C10orf105: variants seen among roughly 807,000 people sequenced by gnomAD.
C10orf105 encodes uncharacterized protein C10orf105.
C10orf105 carries 2 observed loss-of-function variants against 0.6 expected under a neutral mutation model. The ratio of observed to expected loss-of-function variants is 3.18; its 90% CI spans 1.30 to 10.01. The LOEUF (loss-of-function observed/expected upper bound fraction) is 10.01. Ranked by LOEUF, C10orf105 falls within the 30% of genes most tolerant of loss-of-function variation. The probability of loss-of-function intolerance (pLI) is 0.04; values close to 1 mark genes in which losing one functional copy is unlikely to be tolerated. For synonymous variants in C10orf105, 95 were observed against 82.4 expected (o/e 1.15, Z -0.83); for missense variants, 209 against 191.4 (o/e 1.09, Z -0.54).
upstream of C10orf105, chr10:71,724,016 G>A (rs72817951): frequency 0.064 from 99,311 of 1,552,824 alleles, 3,685 homozygotes; most frequent in Non-Finnish European, 0.077. Context: ...TGGCATTCAA[G>A]AAGTAACTCG....
chr10:71,730,398 A>G, intron 1 of C10orf105: 1 of 1,567,344 alleles, frequency 6.4e-7, no homozygotes, highest in Non-Finnish European at 8.7e-7. Context: ...AGGCGGCCAC[A>G]GTGGGCCAAG....
Position 71,730,463 on chromosome 10 carries a change from C to G in C10orf105, c.-6+7265G>C, listed in dbSNP as rs1322223902. 2 of 1,613,462 alleles carry G rather than the reference C, an allele frequency of 1.2e-6. No homozygotes were observed. The highest frequency in any genetic ancestry group is 3.3e-5 in the Admixed American group (2 of 60,008). On this transcript the variant is annotated intron_variant, in intron 1 of 1. Transcript: ENST00000398786. ...TGACCTTGCACCCCTGGCCCGGCTCCCACAGGTGATTGTGTACGTGGAGGA... is the reference window on the plus strand; with the variant it reads ...TGACCTTGCACCCCTGGCCCGGCTCGCACAGGTGATTGTGTACGTGGAGGA...
chr10:71,716,645 A>T (rs144352607), intron 1 of C10orf105: 1 of 301,206 alleles, frequency 3.3e-6, no homozygotes, highest in East Asian at 5.6e-5. Flanking sequence ...AATCCTCATG[A>T]ATCATCACAG....
At chr10:71,725,228 A>G (rs1866751291) in intron 1 of C10orf105, 4 of 1,461,508 alleles carry the variant, frequency 2.7e-6, no homozygotes, top group Non-Finnish European at 3.8e-6. Context: ...CTTCCTCTCC[A>G]CTGTGAATTC....
chr10:71,729,417 G>A (rs1052903952), intron 1 of C10orf105, among the ~76,000 whole-genome samples: 3 of 152,174 alleles, frequency 2.0e-5, no homozygotes, highest in African/African-American at 7.2e-5. Context: ...CGTCCCCCAG[G>A]GAGCCCTAAA....
intron 1 of C10orf105, among the ~76,000 whole-genome samples, chr10:71,727,135 T>C (rs74861291): frequency 0.031 from 4,781 of 152,306 alleles, 125 homozygotes; most frequent in East Asian, 0.097. Flanking sequence ...GTAACCCTCA[T>C]AATAGCCTTA....
At chr10:71,730,669 C>T (rs1028908985) in intron 1 of C10orf105, 48 of 1,593,562 alleles carry the variant, frequency 3.0e-5, no homozygotes, top group Non-Finnish European at 3.8e-5. Context: ...GCTCACCCAG[C>T]CCCTCCTTCG....
At chr10:71,723,927 C>T, upstream of C10orf105, 1 of 1,148,214 alleles carries the variant, frequency 8.7e-7, no homozygotes. Context: ...CTGAGGGAGA[C>T]CACAGGTTTT....
At chr10:71,735,856 C>G (rs1390467393) in intron 1 of C10orf105, among the ~76,000 whole-genome samples, 2 of 152,208 alleles carry the variant, frequency 1.3e-5, no homozygotes, top group African/African-American at 4.8e-5. Context: ...CTCAGCTATG[C>G]TCCCCAAGGG....
chr10:71,723,563 G>A (rs546877523), upstream of C10orf105, among the ~76,000 whole-genome samples: 2 of 152,168 alleles, frequency 1.3e-5, no homozygotes, highest in Admixed American at 6.5e-5. Flanking sequence ...GGGCTTCCAC[G>A]AAGTGACCGT....
intron 1 of C10orf105, among the ~76,000 whole-genome samples, chr10:71,726,023 G>A (rs1554862337): frequency 6.6e-6 from 1 of 152,114 alleles, no homozygotes; most frequent in South Asian, 2.1e-4. Flanking sequence ...CTCATCAAAT[G>A]TATTCTTTCC....
chr10:71,736,469 G>GT (rs1397730373), intron 1 of C10orf105, among the ~76,000 whole-genome samples: 1 of 152,240 alleles, frequency 6.6e-6, no homozygotes, highest in African/African-American at 2.4e-5. Context: ...GGCAGGCTGG[G>GT]TAGGGCATGG....
rs150102490 is a variant in C10orf105 at position 71,733,394 on chromosome 10, C to G, written c.-6+4334G>C. Among the ~76,000 whole-genome samples the G allele has an allele frequency of 1.3e-3, 202 of 152,296 alleles. 5 individuals are homozygous for G. Among genetic ancestry groups the G allele is most frequent in the African/African-American group, 4.6e-3 (191 of 41,552 alleles). Reference sequence around the variant, plus strand: ...GATCAATTATTAACTGAATCTCCAGCCTCTGTCCTCTTCCTGGAAAGTAAA... The same window carrying G: ...GATCAATTATTAACTGAATCTCCAGGCTCTGTCCTCTTCCTGGAAAGTAAA... On this transcript the variant is annotated intron_variant, in intron 1 of 1. Transcript: ENST00000398786.
Position 71,715,821 on chromosome 10 carries a change from G to T in C10orf105, c.*115C>A. ...GCAAGGAGCTTCGGGGGGTGAGTGT[G>T]TGTCCCAGACTGCTTGGGCCACTGT... is the stretch of plus-strand genomic sequence containing the variant. On this transcript the variant is annotated 3_prime_UTR_variant, in exon 2 of 2. Coordinates refer to ENST00000441508, the MANE Select transcript of C10orf105 (RefSeq NM_001164375.3). The T allele has an allele frequency of 9.7e-7, 1 of 1,030,126 alleles. No individual in the cohort carries two copies. The highest frequency in any genetic ancestry group is 1.3e-6 in the Non-Finnish European group (1 of 743,984). 63.8% of individuals were successfully genotyped at this position (1,030,126 alleles called of 1,614,324 possible).
At chr10:71,732,514 C>T in intron 1 of C10orf105, 1 of 1,366,008 alleles carries the variant, frequency 7.3e-7, no homozygotes, top group Middle Eastern at 2.0e-4. Flanking sequence ...TACCTGTAGT[C>T]CCAGCTGCTT....
intron 1 of C10orf105, chr10:71,732,439 C>T: frequency 6.5e-7 from 1 of 1,543,572 alleles, no homozygotes; most frequent in Non-Finnish European, 8.7e-7. Context: ...TGAGCTCCTT[C>T]TGTGTGCACA....
Position 71,716,304 on chromosome 10 carries a change from G to A in C10orf105, c.34C>T (p.Pro12Ser). 4.6e-6 allele frequency: 7 copies of A among 1,508,576 alleles called. No individual in the cohort carries two copies. The highest frequency in any genetic ancestry group is 6.2e-6 in the Non-Finnish European group (7 of 1,123,206). The allele number at this position is 1,508,576 out of a possible 1,614,324, so 93.4% of individuals were successfully genotyped here. Reference sequence around the variant, plus strand: ...AGAAAGGCGAGGGGGCTGATGGCTGGGGAGCTGGCGAGGCTGGGGCCCTCT... The same window carrying A: ...AGAAAGGCGAGGGGGCTGATGGCTGAGGAGCTGGCGAGGCTGGGGCCCTCT... ...STEGPSLASSPAISPLAFLSA... is the reference protein window; with the variant it reads ...STEGPSLASSSAISPLAFLSA... The change falls in exon 2 of 2, where the codon CCA becomes TCA. Residue 12 changes from proline (P) to serine (S), a missense_variant. Transcript: ENST00000441508.
chr10:71,730,431 C>A, intron 1 of C10orf105: 1 of 1,607,660 alleles, frequency 6.2e-7, no homozygotes, highest in Non-Finnish European at 8.5e-7. Context: ...CAGCCTCCAC[C>A]CCACCCTGAC....
chr10:71,732,791 C>T (rs1223156903), intron 1 of C10orf105: 4 of 878,732 alleles, frequency 4.6e-6, no homozygotes, highest in Non-Finnish European at 5.6e-6. Context: ...CTCTGGTCAT[C>T]GAAGTGTGTG....
Sources: allele counts gnomAD v4.1 joint callset (sites outside exome capture counted in the v4.1 genomes callset), GRCh38; gene constraint gnomAD v4.1.1; transcripts MANE v1.5; gene names NCBI Gene and HGNC (gene_info 2026-07-23, HGNC 2026-07-21).